Variants in SORCS2 observed in about 807,000 individuals in gnomAD.
SORCS2 encodes sortilin related VPS10 domain containing receptor 2.
In SORCS2, 100 loss-of-function variants were observed where a neutral mutation model predicts 141.6. The ratio of observed to expected loss-of-function variants is 0.71; its 90% confidence interval spans 0.60 to 0.83. The LOEUF is 0.83. SORCS2 is among the 40% of genes least tolerant of loss of function. The pLI is 0.00. For missense variants in SORCS2, 1,646 were observed against 1,560.2 expected, an observed-to-expected ratio of 1.05 and a Z score of -0.93; for synonymous variants, 789 against 676.9, an observed-to-expected ratio of 1.17 and a Z score of -2.57.
At chr4:7,349,171 A>C (rs964147444) in intron 1 of SORCS2, among the ~76,000 whole-genome samples, 9 of 152,090 alleles carry the variant, frequency 5.9e-5, no homozygotes, top group African/African-American at 2.2e-4. Flanking sequence ...TGTGTCTACG[A>C]GGAAGCTGGG....
intron 3 of SORCS2, among the ~76,000 whole-genome samples, chr4:7,637,233 C>T (rs968153154): frequency 1.3e-5 from 2 of 152,148 alleles, no homozygotes; most frequent in African/African-American, 4.8e-5. Flanking sequence ...TGCTGCTGTC[C>T]GAGGCCTTGC....
chr4:7,479,227 C>T (rs560746329), intron 2 of SORCS2, among the ~76,000 whole-genome samples: 10 of 151,888 alleles, frequency 6.6e-5, no homozygotes, highest in Admixed American at 1.3e-4. Flanking sequence ...GGTATGTGAC[C>T]GCACACAGGA....
chr4:7,366,236 C>T (rs761497868), intron 1 of SORCS2, among the ~76,000 whole-genome samples: 9 of 151,804 alleles, frequency 5.9e-5, no homozygotes, highest in Non-Finnish European at 8.8e-5. Context: ...TCCTCCCTTC[C>T]GTCCTTCCCT....
At chr4:7,279,923 C>T (rs1278254885) in intron 1 of SORCS2, among the ~76,000 whole-genome samples, 3 of 146,728 alleles carry the variant, frequency 2.0e-5, no homozygotes, top group African/African-American at 2.5e-5. Context: ...GTGTCACCAT[C>T]GCTAGGGAGA....
chr4:7,227,073 CTGTGGGTACTCTTACGCACT>C (rs1436444420), intron 1 of SORCS2, among the ~76,000 whole-genome samples: 8 of 151,904 alleles, frequency 5.3e-5, no homozygotes, highest in Non-Finnish European at 8.8e-5. Flanking sequence ...TCTTATGCAC[CTGTGGGTACTCTTACGCACT>C]TGTGGGTACT....
At chr4:7,200,534 A>G (rs916622620) in intron 1 of SORCS2, among the ~76,000 whole-genome samples, 1 of 152,230 alleles carries the variant, frequency 6.6e-6, no homozygotes, top group Non-Finnish European at 1.5e-5. Flanking sequence ...GTTTATGCTT[A>G]GTACACATTT....
intron 1 of SORCS2, among the ~76,000 whole-genome samples, chr4:7,367,082 G>A (rs949128179): frequency 3.3e-5 from 5 of 152,162 alleles, no homozygotes; most frequent in Non-Finnish European, 5.9e-5. Context: ...GGGTCTCCTC[G>A]GAGTACAAGA....
intron 2 of SORCS2, among the ~76,000 whole-genome samples, chr4:7,420,576 C>T (rs1021291655): frequency 9.2e-5 from 14 of 152,274 alleles, no homozygotes; most frequent in African/African-American, 3.4e-4. Context: ...GGCAGGGTGT[C>T]CAGTGTGGCC....
intron 10 of SORCS2, among the ~76,000 whole-genome samples, chr4:7,687,335 T>C (rs1214933363): frequency 6.6e-6 from 1 of 152,184 alleles, no homozygotes; most frequent in Non-Finnish European, 1.5e-5. Flanking sequence ...TCTGTCTTTC[T>C]GCCTGAGCTA....
At position 7,380,611 on chromosome 4, in the gene SORCS2, G is replaced by A. The variant is rs1402877924; in HGVS notation, c.481-15677G>A. 3.9e-5 allele frequency among the ~76,000 whole-genome samples: 6 copies of A among 152,240 alleles called. No individual in the cohort carries two copies. The East Asian group carries it at 5.8e-4, about 15-fold the overall frequency. Reference sequence around the variant, plus strand: ...GGTTTCCGTCATCCTCTGCTGACCCGTGGCTAGACTGCCTGTGGCAGCCCC... The same window carrying A: ...GGTTTCCGTCATCCTCTGCTGACCCATGGCTAGACTGCCTGTGGCAGCCCC... On this transcript the variant is annotated intron_variant, in intron 1 of 26. Coordinates refer to ENST00000507866, the MANE Select transcript of SORCS2 (RefSeq NM_020777.3).
At chr4:7,342,009 G>T (rs538941483) in intron 1 of SORCS2, among the ~76,000 whole-genome samples, 1 of 152,328 alleles carries the variant, frequency 6.6e-6, no homozygotes, top group East Asian at 1.9e-4. Flanking sequence ...GTCCAGTCAC[G>T]TCATACCATG....
At chr4:7,265,636 G>A (rs1317355630) in intron 1 of SORCS2, among the ~76,000 whole-genome samples, 20 of 152,190 alleles carry the variant, frequency 1.3e-4, no homozygotes, top group Admixed American at 1.3e-3. Context: ...TGGACACACG[G>A]CCTCCTCCCC....
chr4:7,482,466 G>A (rs553897463), intron 2 of SORCS2, among the ~76,000 whole-genome samples: 1 of 51,856 alleles, frequency 1.9e-5, no homozygotes, highest in African/African-American at 1.2e-4. Flanking sequence ...CCCCGCTGCG[G>A]ACACCCCTGA....
intron 3 of SORCS2, among the ~76,000 whole-genome samples, chr4:7,580,614 T>C (rs1395404160): frequency 6.6e-6 from 1 of 152,170 alleles, no homozygotes; most frequent in Non-Finnish European, 1.5e-5. Flanking sequence ...ATTCTTACAG[T>C]AACAACACTC....
intron 2 of SORCS2, among the ~76,000 whole-genome samples, chr4:7,445,662 C>A (rs150565799): frequency 1.9e-3 from 289 of 152,266 alleles, no homozygotes; most frequent in African/African-American, 6.5e-3. Context: ...AGGCAAGGGC[C>A]TAAACGCTTC....
intron 2 of SORCS2, among the ~76,000 whole-genome samples, chr4:7,457,575 G>A (rs550806422): frequency 3.3e-5 from 5 of 151,652 alleles, no homozygotes; most frequent in South Asian, 4.2e-4. Flanking sequence ...TGTGAGCTGC[G>A]GTCAGAGGGC....
At chr4:7,287,504 C>T (rs1012886298) in intron 1 of SORCS2, among the ~76,000 whole-genome samples, 1 of 152,232 alleles carries the variant, frequency 6.6e-6, no homozygotes. Flanking sequence ...AACCTTGTCT[C>T]TTTTGGCAGC....
At position 7,610,458 on chromosome 4, in the gene SORCS2, G is replaced by A. The variant is rs114907568; in HGVS notation, c.649-27870G>A. On this transcript the variant is annotated intron_variant, in intron 3 of 26. Coordinates refer to ENST00000507866, the MANE Select transcript of SORCS2 (RefSeq NM_020777.3). ...CTGTCACTCCAGGGGAGCTCTGCAC[G>A]AGGCCCCCCGGGTTCATTGCATGGC... 6.6e-3 allele frequency among the ~76,000 whole-genome samples: 1,009 copies of A among 152,268 alleles called. 15 individuals carry two copies. Among genetic ancestry groups the A allele is most frequent in the African/African-American group, 0.023 (943 of 41,548 alleles).
intron 1 of SORCS2, among the ~76,000 whole-genome samples, chr4:7,223,644 A>C (rs1254642534): frequency 6.6e-6 from 1 of 152,152 alleles, no homozygotes. Context: ...TTCTCTAGAC[A>C]TGTCCACCAA....
Sources: gnomAD v4.1 joint callset for allele counts (sites outside exome capture counted in the v4.1 genomes callset) on GRCh38, gnomAD v4.1.1 for gene constraint, MANE v1.5 for transcripts, NCBI Gene and HGNC (gene_info 2026-07-23, HGNC 2026-07-21) for gene names.